ANO3: variants seen among roughly 807,000 people sequenced by gnomAD.
ANO3 encodes the protein anoctamin-3.
ANO3 carries 99 observed loss-of-function variants against 144.8 expected under a neutral mutation model. The ratio of observed to expected loss-of-function variants is 0.68; its 90% CI spans 0.58 to 0.81. The LOEUF (loss-of-function observed/expected upper bound fraction) is 0.81, where lower values mean the gene tolerates loss of function less well. Ranked by LOEUF, ANO3 falls within the 30% of genes least tolerant of loss-of-function variation. The pLI, the probability that ANO3 is intolerant of heterozygous loss-of-function variation, is 0.00. For synonymous variants in ANO3, 414 were observed against 392.6 expected, an observed-to-expected ratio of 1.05 and a Z score of -0.64; for missense variants, 905 against 1,202.2, an observed-to-expected ratio of 0.75 and a Z score of 3.66.
chr11:26,561,344 C>CT, intron 14 of ANO3: 4 of 720,708 alleles, frequency 5.6e-6, no homozygotes, highest in Non-Finnish European at 8.1e-6. Flanking sequence ...TTTATATGGG[C>CT]TTTTTAGATT....
At chr11:26,395,029 C>T (rs1391608435) in intron 1 of ANO3, among the ~76,000 whole-genome samples, 1 of 151,920 alleles carries the variant, frequency 6.6e-6, no homozygotes, top group African/African-American at 2.4e-5. Flanking sequence ...GGGACCTGAC[C>T]CCTGTGGAAT....
intron 17 of ANO3, among the ~76,000 whole-genome samples, chr11:26,605,704 G>T (rs1851916037): frequency 6.6e-6 from 1 of 152,078 alleles, no homozygotes. Flanking sequence ...ATTTCTTCTA[G>T]ATTTTCTAGT....
chr11:26,459,653 T>C (rs1271740143), intron 3 of ANO3, among the ~76,000 whole-genome samples: 2 of 151,768 alleles, frequency 1.3e-5, no homozygotes, highest in Admixed American at 6.6e-5. Flanking sequence ...AAAAATACCT[T>C]AGTGAGGGGA....
intron 1 of ANO3, among the ~76,000 whole-genome samples, chr11:26,265,945 C>G (rs1463410668): frequency 6.6e-6 from 1 of 152,168 alleles, no homozygotes; most frequent in Non-Finnish European, 1.5e-5. Flanking sequence ...AACTTAGTAG[C>G]CTACTTCACA....
In ANO3 at chr11:26,534,666, G is replaced by T. The variant is rs572961431; in HGVS notation, c.976+104G>T. 1.5e-5 allele frequency: 11 copies of T among 731,318 alleles called. No individual in the cohort carries two copies. The African/African-American group carries it at 1.8e-4, about 12-fold the overall frequency. The allele number at this position is 731,318 out of a possible 1,614,324, so 45.3% of individuals were successfully genotyped here. ...TAGCTTTGCTTTAATTCATTAAATAGATGTGTATAACATATTGAACACACA... is the reference window on the plus strand; with the variant it reads ...TAGCTTTGCTTTAATTCATTAAATATATGTGTATAACATATTGAACACACA... On this transcript the variant is annotated intron_variant, in intron 9 of 26. Transcript: ENST00000256737.
intron 1 of ANO3, among the ~76,000 whole-genome samples, chr11:26,339,055 G>T (rs187990586): frequency 6.6e-6 from 1 of 152,228 alleles, no homozygotes; most frequent in East Asian, 1.9e-4. Flanking sequence ...CAAGGTAAGG[G>T]ATTTGAGGTT....
At chr11:26,530,868 A>G (rs914449273) in intron 7 of ANO3, among the ~76,000 whole-genome samples, 4 of 152,078 alleles carry the variant, frequency 2.6e-5, no homozygotes, top group African/African-American at 9.7e-5. Flanking sequence ...ACTGTCTCAA[A>G]GAAAAAAAAC....
At chr11:26,242,491 C>T (rs1035115136) in intron 1 of ANO3, among the ~76,000 whole-genome samples, 8 of 152,168 alleles carry the variant, frequency 5.3e-5, no homozygotes, top group African/African-American at 1.9e-4. Flanking sequence ...TTCTGTAGCC[C>T]TTACTTTCTC....
chr11:26,381,463 C>T (rs1320356044), intron 1 of ANO3, among the ~76,000 whole-genome samples: 1 of 152,138 alleles, frequency 6.6e-6, no homozygotes, highest in Non-Finnish European at 1.5e-5. Flanking sequence ...CCTACACTTT[C>T]TAAACAGCAT....
rs545395098 is a variant in ANO3 at position 26,261,901 on chromosome 11, A to G, written c.155-47744A>G. Among the ~76,000 whole-genome samples, 12 of 152,156 alleles carry G rather than the reference A, an allele frequency of 7.9e-5. No homozygotes were observed. The South Asian group carries it at 2.5e-3, about 32-fold the overall frequency. Reference sequence around the variant, plus strand: ...GTGGATCCAAAACAATATGCACCATATGCTTTCTCTTAAAATAAAAGCTGA... The same window carrying G: ...GTGGATCCAAAACAATATGCACCATGTGCTTTCTCTTAAAATAAAAGCTGA... On this transcript the variant is annotated intron_variant, in intron 1 of 27. Transcript: ENST00000672621.
At chr11:26,194,691 G>A (rs1851550015) in intron 1 of ANO3, among the ~76,000 whole-genome samples, 1 of 151,580 alleles carries the variant, frequency 6.6e-6, no homozygotes, top group African/African-American at 2.4e-5. Context: ...GTAGAAACGA[G>A]GTTTCTCCAC....
intron 1 of ANO3, among the ~76,000 whole-genome samples, chr11:26,272,543 T>C (rs970009720): frequency 1.3e-5 from 2 of 152,088 alleles, no homozygotes; most frequent in Non-Finnish European, 2.9e-5. Flanking sequence ...TTTATGACAA[T>C]TTAAAGTAAA....
At chr11:26,482,236 CTTTAAG>C (rs1001995734) in intron 4 of ANO3, among the ~76,000 whole-genome samples, 4 of 151,478 alleles carry the variant, frequency 2.6e-5, no homozygotes, top group African/African-American at 4.9e-5. Flanking sequence ...TATTATTATA[CTTTAAG>C]TTTGAGGGTA....
chr11:26,507,981 G>C (rs1158616231), intron 4 of ANO3, 123 bp from the exon 5 acceptor site: 1 of 798,554 alleles, frequency 1.3e-6, no homozygotes, highest in Non-Finnish European at 1.9e-6. Context: ...CATATCTCAT[G>C]GTAGGAATAT....
intron 1 of ANO3, among the ~76,000 whole-genome samples, chr11:26,383,348 G>C (rs1856637952): frequency 6.6e-6 from 1 of 151,978 alleles, no homozygotes; most frequent in Non-Finnish European, 1.5e-5. Context: ...ACCACTCTGA[G>C]AAATGTTAAC....
Position 26,443,785 on chromosome 11 carries a change from A to AAC in ANO3, c.263_264dup (p.Asp89ThrfsTer5). 3.9e-6 allele frequency: 3 copies of AAC among 760,728 alleles called. No individual in the cohort carries two copies. Among genetic ancestry groups the AAC allele is most frequent in the Non-Finnish European group, 4.3e-6 (2 of 465,762 alleles). 47.1% of individuals were successfully genotyped at this position (760,728 alleles called of 1,614,324 possible). A position where few individuals can be genotyped will look rare whatever the true frequency, so the allele number is the denominator to read the frequency against. On this transcript the variant is annotated frameshift_variant, in exon 3 of 27. Coordinates refer to ENST00000256737, the MANE Select transcript of ANO3 (RefSeq NM_031418.4). LOFTEE classifies it high-confidence loss of function. ...TTCAGTTAATACTGAGGAGAATAAA[A>AAC]ACGACTCTGTGCTGAGATGTTCATT...
chr11:26,488,973 C>T (rs1286413385), intron 4 of ANO3, among the ~76,000 whole-genome samples: 7 of 152,088 alleles, frequency 4.6e-5, no homozygotes, highest in South Asian at 4.1e-4. Flanking sequence ...CTGATTGGTG[C>T]GTTTATAATC....
chr11:26,445,270 C>G (rs766062832), intron 3 of ANO3, among the ~76,000 whole-genome samples: 1 of 152,062 alleles, frequency 6.6e-6, no homozygotes, highest in Non-Finnish European at 1.5e-5. Flanking sequence ...AAAAAACAAA[C>G]CTGAAGTTTT....
chr11:26,439,145 C>T (rs984496290), intron 1 of ANO3, among the ~76,000 whole-genome samples: 3 of 152,240 alleles, frequency 2.0e-5, no homozygotes, highest in Middle Eastern at 3.4e-3. Context: ...AAGTTGGAGC[C>T]TACCTTCACA....
Sources: gnomAD v4.1 joint callset for allele counts (sites outside exome capture counted in the v4.1 genomes callset) on GRCh38, gnomAD v4.1.1 for gene constraint, MANE v1.5 for transcripts, NCBI Gene and HGNC (gene_info 2026-07-23, HGNC 2026-07-21) for gene names.